Variants in EIF3A observed in about 807,000 individuals in gnomAD.
EIF3A encodes eukaryotic translation initiation factor 3 subunit A.
In EIF3A, 21 loss-of-function variants were observed where a neutral mutation model predicts 186.6. The ratio of observed to expected loss-of-function variants is 0.11; its 90% CI spans 0.08 to 0.16. The LOEUF (loss-of-function observed/expected upper bound fraction) is 0.16, where lower values mean the gene tolerates loss of function less well. Ranked by LOEUF, EIF3A falls within the 10% of genes least tolerant of loss-of-function variation. The pLI is 1.00. For synonymous variants in EIF3A, 563 were observed against 584.3 expected, an observed-to-expected ratio of 0.96 and a Z score of 0.52; for missense variants, 1,306 against 1,796.3, an observed-to-expected ratio of 0.73 and a Z score of 4.93.
chr10:119,050,790 A>C, intron 15 of EIF3A, 116 bp from the exon 16 acceptor site: 1 of 1,116,594 alleles, frequency 9.0e-7, no homozygotes, highest in Non-Finnish European at 1.3e-6. Flanking sequence ...CATCGAAAGC[A>C]ACCTCTCAGC....
Position 119,037,143 on chromosome 10 carries a change from G to A in EIF3A, c.3895C>T (p.Pro1299Ser), listed in dbSNP as rs1166686643. 2.2e-5 allele frequency: 35 copies of A among 1,611,648 alleles called. No individual in the cohort carries two copies. Among genetic ancestry groups the A allele is most frequent in the Non-Finnish European group, 2.8e-5 (33 of 1,179,312 alleles). Residue 1299 changes from proline to serine, a missense_variant, in exon 21 of 22, where the codon CCA (proline) becomes TCA (serine). Coordinates refer to ENST00000369144, the MANE Select transcript of EIF3A (RefSeq NM_003750.4). ...CCTTCTTCACGTTCTGATCTGAGTG[G>A]AGGTCCTCTTCGGTCCCTGTCGTCT... ...LRDDRDRRGPPLRSEREEVSS... is the reference protein window; with the variant it reads ...LRDDRDRRGPSLRSEREEVSS...
intron 7 of EIF3A, among the ~76,000 whole-genome samples, chr10:119,062,402 G>C: frequency 6.6e-6 from 1 of 152,144 alleles, no homozygotes; most frequent in South Asian, 2.1e-4. Context: ...TGAGATAATG[G>C]AATCACTCTG....
At chr10:119,061,565 G>T (rs955361813) in intron 7 of EIF3A, among the ~76,000 whole-genome samples, 10 of 151,932 alleles carry the variant, frequency 6.6e-5, no homozygotes, top group African/African-American at 1.7e-4. Context: ...AAAAGGAAAT[G>T]AAACTCTAAA....
chr10:119,053,557 C>CAAA (rs33979018), intron 14 of EIF3A, among the ~76,000 whole-genome samples: 1 of 110,544 alleles, frequency 9.0e-6, no homozygotes, highest in African/African-American at 3.4e-5. Flanking sequence ...ACTAAAAATA[C>CAAA]AAAAAAAAAA....
Position 119,051,338 on chromosome 10 carries a change from T to C in EIF3A, c.2197-17A>G. 5 of 1,561,542 alleles carry C rather than the reference T, an allele frequency of 3.2e-6. No individual in the cohort carries two copies. Among genetic ancestry groups the C allele is most frequent in the East Asian group, 2.3e-5 (1 of 42,916 alleles). ...TGTAGTAATCTGCAAGTACAAATATTGTGAAATTTCAATGCACTTTTTTTT... is the reference window on the plus strand; with the variant it reads ...TGTAGTAATCTGCAAGTACAAATATCGTGAAATTTCAATGCACTTTTTTTT... On this transcript the variant is annotated splice_polypyrimidine_tract_variant and intron_variant, in intron 14 of 21. Coordinates refer to ENST00000369144, the MANE Select transcript of EIF3A (RefSeq NM_003750.4).
chr10:119,041,005 C>CAAAAA (rs34452005), intron 19 of EIF3A, among the ~76,000 whole-genome samples: 1 of 78,704 alleles, frequency 1.3e-5, no homozygotes, highest in Non-Finnish European at 2.3e-5. Context: ...ACTCCGTCTC[C>CAAAAA]AAAAAAAAAA....
chr10:119,037,060 T>TCCC (rs11336519), intron 21 of EIF3A, 59 bp downstream of exon 21: 28 of 392,298 alleles, frequency 7.1e-5, no homozygotes, highest in African/African-American at 4.4e-4. Flanking sequence ...ATAACCCAAA[T>TCCC]CCCCCCCCCC....
At chr10:119,050,776 G>GAA in intron 15 of EIF3A, 102 bp from the exon 16 acceptor site, 4 of 1,295,852 alleles carry the variant, frequency 3.1e-6, no homozygotes, top group Non-Finnish European at 4.3e-6. Context: ...AAGTGTATCA[G>GAA]AATCATCGAA....
chr10:119,078,135 T>C (rs1348305377), intron 1 of EIF3A, among the ~76,000 whole-genome samples: 1 of 151,930 alleles, frequency 6.6e-6, no homozygotes, highest in Non-Finnish European at 1.5e-5. Flanking sequence ...GTTACTCAAT[T>C]TGTGGCCTTA....
At chr10:119,057,688 T>A (rs1251926157) in intron 12 of EIF3A, among the ~76,000 whole-genome samples, 3 of 152,072 alleles carry the variant, frequency 2.0e-5, no homozygotes, top group Non-Finnish European at 4.4e-5. Context: ...GGCAGGAGAA[T>A]CACTTGAACC....
At chr10:119,051,690 G>A (rs1233798100) in intron 14 of EIF3A, among the ~76,000 whole-genome samples, 2 of 152,104 alleles carry the variant, frequency 1.3e-5, no homozygotes, top group South Asian at 2.1e-4. Flanking sequence ...TTGGTTATCC[G>A]ATGCATATAG....
intron 19 of EIF3A, among the ~76,000 whole-genome samples, chr10:119,041,627 T>G (rs951305851): frequency 6.6e-6 from 1 of 152,170 alleles, no homozygotes; most frequent in South Asian, 2.1e-4. Context: ...TTGGCAAAAA[T>G]AAATATATAA....
At chr10:119,074,308 T>C (rs1385316810) in intron 1 of EIF3A, among the ~76,000 whole-genome samples, 1 of 151,678 alleles carries the variant, frequency 6.6e-6, no homozygotes. Context: ...CTACCAAAAA[T>C]ACAAAAATTA....
intron 4 of EIF3A, among the ~76,000 whole-genome samples, chr10:119,071,668 CAGTTTAACTTCA>C (rs1340499597): frequency 8.5e-5 from 13 of 152,068 alleles, no homozygotes; most frequent in African/African-American, 3.1e-4. Flanking sequence ...AACAGAGATG[CAGTTTAACTTCA>C]AGTTAATATT....
chr10:119,058,073 C>T lies in EIF3A; in HGVS notation c.1860G>A (p.Glu620=). Residue 620 remains glutamate (E), a synonymous_variant, in exon 12 of 22, where the codon GAG becomes GAA. Coordinates refer to ENST00000369144, the MANE Select transcript of EIF3A (RefSeq NM_003750.4). ...ERLRQEAKER[E]KERILQEHEQ... ...CATGTTCCTGTAAGATACGCTCCTT[C>T]TCTCTCTCCTTTGCTTCCTGGCGCA... The T allele has an allele frequency of 6.2e-7, 1 of 1,614,202 alleles. No individual in the cohort carries two copies. Among genetic ancestry groups the T allele is most frequent in the Non-Finnish European group, 8.5e-7 (1 of 1,180,022 alleles).
At position 119,042,981 on chromosome 10, in the gene EIF3A, C is replaced by T. The variant is rs961997149; in HGVS notation, c.2748-209G>A. Among the ~76,000 whole-genome samples, 5 of 152,086 alleles carry T rather than the reference C, an allele frequency of 3.3e-5. No individual in the cohort carries two copies. Among genetic ancestry groups the T allele is most frequent in the African/African-American group, 7.2e-5 (3 of 41,482 alleles). On this transcript the variant is annotated intron_variant, in intron 18 of 21. Coordinates refer to ENST00000369144, the MANE Select transcript of EIF3A (RefSeq NM_003750.4). The surrounding 1 kb of genome is among the most constrained non-coding windows in gnomAD (Gnocchi z 7.8). ...CAGCCTGGCCTGGCAAAACCCATCT[C>T]TACTTAATTGTAAGACATGCGGCTG...
At chr10:119,073,666 T>G in intron 2 of EIF3A, 81 bp downstream of exon 2, 4 of 1,559,686 alleles carry the variant, frequency 2.6e-6, no homozygotes, top group Non-Finnish European at 3.5e-6. Context: ...AGAAATACAA[T>G]ATATTCACTT....
At chr10:119,067,225 A>AG (rs903686625) in intron 6 of EIF3A, among the ~76,000 whole-genome samples, 1 of 152,096 alleles carries the variant, frequency 6.6e-6, no homozygotes, top group African/African-American at 2.4e-5. Flanking sequence ...TCAAAAAAAA[A>AG]AAAAGGATGT....
intron 1 of EIF3A, among the ~76,000 whole-genome samples, chr10:119,079,404 A>G (rs7072661): frequency 0.024 from 3,671 of 152,292 alleles, 133 homozygotes; most frequent in African/African-American, 0.072. Context: ...TCAAACTGCC[A>G]TTTTCATAAG....
Sources: allele counts gnomAD v4.1 joint callset (sites outside exome capture counted in the v4.1 genomes callset), GRCh38; gene constraint gnomAD v4.1.1; non-coding constraint Gnocchi (gnomAD v3.1); transcripts MANE v1.5; gene names NCBI Gene and HGNC (gene_info 2026-07-23, HGNC 2026-07-21).